ERAP1: variants seen among roughly 807,000 people sequenced by gnomAD.
ERAP1 encodes the protein endoplasmic reticulum aminopeptidase 1.
In ERAP1, 86 loss-of-function variants were observed where a neutral mutation model predicts 103.7. That is an observed-to-expected ratio of 0.83 (90% CI 0.70 to 0.99). The LOEUF is 0.99. Ranked by LOEUF, ERAP1 falls within the 50% of genes least tolerant of loss-of-function variation. The pLI, the probability that ERAP1 is intolerant of heterozygous loss-of-function variation, is 0.00. For missense variants in ERAP1, 1,009 were observed against 1,128.4 expected (o/e 0.89, Z 1.52); for synonymous variants, 398 against 402.4 (o/e 0.99, Z 0.13).
chr5:96,808,116 G>T (rs1778872802), upstream of ERAP1: 5 of 985,790 alleles, frequency 5.1e-6, no homozygotes, highest in South Asian at 1.9e-4. Flanking sequence ...AGCGCTGCAC[G>T]CCGGGGAAGC....
At chr5:96,922,705 C>G in the ERAP1 span, among the ~76,000 whole-genome samples, 1 of 152,224 alleles carries the variant, frequency 6.6e-6, no homozygotes, top group African/African-American at 2.4e-5. Context: ...TAACTTCACT[C>G]ACACTCAGAG....
chr5:96,886,908 T>C, the ERAP1 span: 8 of 1,002,692 alleles, frequency 8.0e-6, no homozygotes, highest in African/African-American at 1.7e-5. Context: ...CAAGAAGAGA[T>C]AGATAAAAAA....
In ERAP1 at chr5:96,784,008, G is replaced by T. The variant is rs143605421; in HGVS notation, c.2016C>A (p.Pro672=). ...LYLKHETEIM[P]VFQGLNELIP... ...TCAGCTCATTCAAACCTTGAAACACGGGCATAATTTCAGTTTCATGTTTCA... is the reference window on the plus strand; with the variant it reads ...TCAGCTCATTCAAACCTTGAAACACTGGCATAATTTCAGTTTCATGTTTCA... The change falls in exon 14 of 19, where the codon CCC becomes CCA. Residue 672 remains proline (P), a synonymous_variant. Transcript: ENST00000443439. 2 of 1,613,642 alleles carry T rather than the reference G, an allele frequency of 1.2e-6. No individual in the cohort carries two copies. The highest frequency in any genetic ancestry group is 2.7e-5 in the African/African-American group (2 of 74,800).
At chr5:96,807,990 C>A (rs1423427246), upstream of ERAP1, 6 of 985,508 alleles carry the variant, frequency 6.1e-6, no homozygotes, top group South Asian at 1.4e-4. Context: ...CGCTTCGGCC[C>A]GAGCCCTAGC....
At chr5:96,913,326 A>G in the ERAP1 span, 2 of 1,613,918 alleles carry the variant, frequency 1.2e-6, no homozygotes, top group Non-Finnish European at 1.7e-6. Flanking sequence ...GGTTAATTGA[A>G]CTAGGAATGG....
At chr5:96,847,365 C>T in the ERAP1 span, among the ~76,000 whole-genome samples, 2 of 151,670 alleles carry the variant, frequency 1.3e-5, no homozygotes, top group Non-Finnish European at 2.9e-5. Context: ...GATGGCAGCA[C>T]AATACTAGTA....
At chr5:96,781,644 T>A in intron 16 of ERAP1, 49 bp downstream of exon 16, 2 of 1,611,700 alleles carry the variant, frequency 1.2e-6, no homozygotes, top group African/African-American at 2.7e-5. Context: ...TGATCTAATC[T>A]AATCTAATTT....
the ERAP1 span, among the ~76,000 whole-genome samples, chr5:96,858,220 T>C: frequency 7.9e-4 from 116 of 147,588 alleles, 1 homozygote; most frequent in South Asian, 0.01. Flanking sequence ...TCTTCTTCTT[T>C]TTTTTTTTTT....
chr5:96,762,686 C>T (rs865911574), exon 20 of ERAP1: 1 of 313,308 alleles, frequency 3.2e-6, no homozygotes, highest in Non-Finnish European at 5.8e-6. Flanking sequence ...TTGAAAAGTT[C>T]TTTAGCTTTC....
At chr5:96,882,642 A>T in the ERAP1 span, among the ~76,000 whole-genome samples, 2 of 152,126 alleles carry the variant, frequency 1.3e-5, no homozygotes, top group Admixed American at 1.3e-4. Context: ...TTGTTTTTTC[A>T]ATGTAGACTT....
In ERAP1 at chr5:96,805,359, A is replaced by ATTTT. The variant is rs1561295242; in HGVS notation, c.-17-1417_-17-1416insAAAA. ...TTCTGGTTTTTGGTTTTTTTTTTTA[A>ATTTT]AAAAAAAAAAAACTGTCCAGAGATT... On this transcript the variant is annotated intron_variant, in intron 1 of 18. Coordinates refer to ENST00000443439, the MANE Select transcript of ERAP1 (RefSeq NM_001040458.3). 1.0e-3 allele frequency among the ~76,000 whole-genome samples: 110 copies of ATTTT among 109,094 alleles called. 1 individual carries two copies. Among genetic ancestry groups the ATTTT allele is most frequent in the African/African-American group, 2.8e-3 (80 of 28,160 alleles). The allele number at this position is 109,094 out of a possible 152,430, so 71.6% of individuals were successfully genotyped here.
At chr5:96,922,297 C>CA in the ERAP1 span, among the ~76,000 whole-genome samples, 4 of 151,560 alleles carry the variant, frequency 2.6e-5, no homozygotes, top group Admixed American at 2.0e-4. Context: ...GACTCCGTCT[C>CA]AAAAAAACAA....
the ERAP1 span, among the ~76,000 whole-genome samples, chr5:96,852,276 C>A: frequency 6.6e-6 from 1 of 152,110 alleles, no homozygotes; most frequent in Non-Finnish European, 1.5e-5. Flanking sequence ...AGAAAGGATG[C>A]TAACATGGAC....
chr5:96,900,065 C>T, the ERAP1 span: 7 of 1,601,410 alleles, frequency 4.4e-6, no homozygotes, highest in African/African-American at 4.0e-5. Flanking sequence ...CTAATGTGCA[C>T]GTTCAGCCAA....
chr5:96,814,746 A>G, the ERAP1 span, among the ~76,000 whole-genome samples: 1 of 152,362 alleles, frequency 6.6e-6, no homozygotes, highest in East Asian at 1.9e-4. Context: ...ACTGGATTTG[A>G]ACATCGGTGA....
chr5:96,880,230 G>A, the ERAP1 span: 1 of 1,613,634 alleles, frequency 6.2e-7, no homozygotes, highest in East Asian at 2.2e-5. Context: ...TTTTATAAAA[G>A]CACATACAGA....
chr5:96,775,925 G>A lies in ERAP1; in HGVS notation c.*471C>T, dbSNP rs1387446806. The A allele has an allele frequency of 2.0e-6, 2 of 1,017,350 alleles. No homozygotes were observed. The highest frequency in any genetic ancestry group is 1.7e-5 in the African/African-American group (1 of 57,932). 63.0% of individuals were successfully genotyped at this position (1,017,350 alleles called of 1,614,324 possible). On this transcript the variant is annotated 3_prime_UTR_variant, in exon 19 of 19. Transcript: ENST00000443439. ...GCCCCTGGGCATGGAGCAAGGAAGA[G>A]GGATGGGCAGCGGGTCTGGAGGGGT...
chr5:96,895,432 A>AAT, the ERAP1 span: 3 of 1,069,834 alleles, frequency 2.8e-6, no homozygotes, highest in Non-Finnish European at 4.2e-6. Context: ...ATTTCAAGTG[A>AAT]ATGTTAAACA....
chr5:96,832,893 T>C, the ERAP1 span, among the ~76,000 whole-genome samples: 1 of 152,180 alleles, frequency 6.6e-6, no homozygotes, highest in African/African-American at 2.4e-5. Flanking sequence ...AATGTGATGA[T>C]ATTAGAAGAT....
Sources: gnomAD v4.1 joint callset for allele counts (sites outside exome capture counted in the v4.1 genomes callset) on GRCh38, gnomAD v4.1.1 for gene constraint, MANE v1.5 for transcripts, NCBI Gene and HGNC (gene_info 2026-07-23, HGNC 2026-07-21) for gene names.